The following MACROD2 variants were observed in gnomAD, a reference collection of about 807,000 sequenced individuals.
MACROD2 encodes mono-ADP ribosylhydrolase 2, also known as ADP-ribose glycohydrolase MACROD2.
A neutral mutation model predicts 70.4 loss-of-function variants in MACROD2; 36 were observed. That is an observed-to-expected ratio of 0.51 (90% CI 0.39 to 0.68). MACROD2 has a LOEUF of 0.68. Among genes scored for constraint, MACROD2 ranks in the 30% least tolerant of loss-of-function variants. The pLI is 0.00. For missense variants in MACROD2, 496 were observed against 538.4 expected, an observed-to-expected ratio of 0.92 and a Z score of 0.78; for synonymous variants, 172 against 178.8, an observed-to-expected ratio of 0.96 and a Z score of 0.30.
chr20:15,484,977 G>A (rs530401012), intron 7 of MACROD2, among the ~76,000 whole-genome samples: 7 of 152,252 alleles, frequency 4.6e-5, no homozygotes, highest in East Asian at 1.9e-4. Flanking sequence ...TCACTTCTTC[G>A]AAGGATCTAA....
At chr20:14,110,186 T>G (rs899422946) in intron 3 of MACROD2, among the ~76,000 whole-genome samples, 2 of 151,744 alleles carry the variant, frequency 1.3e-5, no homozygotes, top group South Asian at 2.1e-4. Flanking sequence ...TTCCTTCACG[T>G]TTGTAAAAGA....
At chr20:14,914,158 C>A (rs1349682694) in intron 5 of MACROD2, among the ~76,000 whole-genome samples, 1 of 152,114 alleles carries the variant, frequency 6.6e-6, no homozygotes, top group Non-Finnish European at 1.5e-5. Context: ...TTTTTTGGTT[C>A]CCTAACTCAG....
rs77327780 is a variant in MACROD2 at position 15,848,413 on chromosome 20, G to A, written c.646-14332G>A. On this transcript the variant is annotated intron_variant, in intron 8 of 17. Coordinates refer to ENST00000684519, the MANE Select transcript of MACROD2 (RefSeq NM_001351661.2). Reference sequence around the variant, plus strand: ...GGATTAGTAACGATTAGGAAGAAAAGCATTGTCTTTATATACAGCCAAGCA... The same window carrying A: ...GGATTAGTAACGATTAGGAAGAAAAACATTGTCTTTATATACAGCCAAGCA... Among the ~76,000 whole-genome samples the A allele has an allele frequency of 9.2e-5, 14 of 152,148 alleles. No individual in the cohort carries two copies. The East Asian group carries it at 2.3e-3, about 25-fold the overall frequency.
intron 12 of MACROD2, among the ~76,000 whole-genome samples, chr20:15,962,025 A>G (rs1467605874): frequency 6.6e-6 from 1 of 152,194 alleles, no homozygotes; most frequent in African/African-American, 2.4e-5. Context: ...GTAATTAAGC[A>G]TTTCTTTTTC....
At chr20:15,743,224 G>A (rs140686723) in intron 8 of MACROD2, among the ~76,000 whole-genome samples, 2 of 152,182 alleles carry the variant, frequency 1.3e-5, no homozygotes, top group East Asian at 3.9e-4. Context: ...GCAAAGAATA[G>A]AATCCCCACG....
intron 5 of MACROD2, among the ~76,000 whole-genome samples, chr20:15,125,472 A>C (rs1316280873): frequency 6.6e-6 from 1 of 152,126 alleles, no homozygotes; most frequent in African/African-American, 2.4e-5. Flanking sequence ...TTATTCATTC[A>C]TTCAACCAAC....
At chr20:15,488,108 C>G (rs554342365) in intron 7 of MACROD2, among the ~76,000 whole-genome samples, 1 of 152,178 alleles carries the variant, frequency 6.6e-6, no homozygotes, top group African/African-American at 2.4e-5. Flanking sequence ...GGACACAGGC[C>G]TTTGTCAAAA....
At chr20:14,110,591 A>C (rs2054436210) in intron 3 of MACROD2, among the ~76,000 whole-genome samples, 1 of 151,994 alleles carries the variant, frequency 6.6e-6, no homozygotes, top group South Asian at 2.1e-4. Context: ...CCAACAGTGA[A>C]CAATCTGAAA....
At chr20:15,526,823 TG>T (rs953369984) in intron 8 of MACROD2, among the ~76,000 whole-genome samples, 1 of 152,156 alleles carries the variant, frequency 6.6e-6, no homozygotes, top group African/African-American at 2.4e-5. Context: ...TTCCTAAAAG[TG>T]ACCTTCCTAG....
chr20:15,770,084 ATTTTCTTTTTTTTTTT>A (rs1334819144), intron 8 of MACROD2, among the ~76,000 whole-genome samples: 6 of 125,732 alleles, frequency 4.8e-5, no homozygotes, highest in Admixed American at 8.0e-5. Flanking sequence ...ATTTATTTTA[ATTTTCTTTTTTTTTTT>A]TTTTTTTTTT....
chr20:15,494,776 T>C (rs76346130), intron 7 of MACROD2, among the ~76,000 whole-genome samples: 8,739 of 131,858 alleles, frequency 0.066, 808 homozygotes, highest in African/African-American at 0.21. Flanking sequence ...CGTGTGTGTG[T>C]GCGCGCGTGT....
rs1555938552 is a variant in MACROD2 at position 14,222,813 on chromosome 20, G to GGAAAAAAA, written c.271+137085_271+137086insGAAAAAAA. ...TTCACAGTTCAACCTTTGGATTTCT[G>GGAAAAAAA]AAAAAAAAAAAAAAAAAAAAAAAAA... On this transcript the variant is annotated intron_variant, in intron 3 of 17. Transcript: ENST00000684519. Among the ~76,000 whole-genome samples, 4 of 132,948 alleles carry GGAAAAAAA rather than the reference G, an allele frequency of 3.0e-5. 1 individual carries two copies. The highest frequency in any genetic ancestry group is 8.6e-5 in the African/African-American group (3 of 34,778). The allele number at this position is 132,948 out of a possible 152,430, so 87.2% of individuals were successfully genotyped here.
chr20:14,892,367 C>G (rs964821552), intron 5 of MACROD2, among the ~76,000 whole-genome samples: 2 of 151,952 alleles, frequency 1.3e-5, no homozygotes, highest in Admixed American at 1.3e-4. Context: ...CCCAGCTACT[C>G]AGGAGGCTGA....
intron 5 of MACROD2, among the ~76,000 whole-genome samples, chr20:15,005,397 G>C (rs2075027876): frequency 6.6e-6 from 1 of 152,108 alleles, no homozygotes; most frequent in Admixed American, 6.6e-5. Context: ...TGTTCAAGTG[G>C]GAGTTCATAA....
chr20:15,514,986 A>T (rs988417007), intron 8 of MACROD2, among the ~76,000 whole-genome samples: 2 of 152,292 alleles, frequency 1.3e-5, no homozygotes, highest in Admixed American at 6.5e-5. Flanking sequence ...GCATTATCCC[A>T]TGTCACCCTC....
intron 3 of MACROD2, among the ~76,000 whole-genome samples, chr20:14,408,658 C>T (rs1334001569): frequency 1.3e-5 from 2 of 152,128 alleles, no homozygotes; most frequent in Admixed American, 6.6e-5. Flanking sequence ...AAGTGGGTAG[C>T]GCCCACTAAG....
intron 4 of MACROD2, among the ~76,000 whole-genome samples, chr20:14,515,464 C>T (rs970047243): frequency 7.3e-5 from 2 of 27,238 alleles, no homozygotes; most frequent in Non-Finnish European, 1.5e-4. Context: ...TACACACACA[C>T]GCACACACAC....
At chr20:15,683,391 CAAGATGGTAATTCCCATTT>C (rs1484519651) in intron 8 of MACROD2, among the ~76,000 whole-genome samples, 1 of 152,126 alleles carries the variant, frequency 6.6e-6, no homozygotes, top group African/African-American at 2.4e-5. Context: ...CAGAAATAAC[CAAGATGGTAATTCCCATTT>C]AATATCTTTC....
chr20:15,314,024 A>C (rs896146396), intron 6 of MACROD2, among the ~76,000 whole-genome samples: 1 of 152,200 alleles, frequency 6.6e-6, no homozygotes, highest in African/African-American at 2.4e-5. Context: ...TCTTCATGGA[A>C]ATAATGAATA....
Sources: gnomAD v4.1 joint callset for allele counts (sites outside exome capture counted in the v4.1 genomes callset) on GRCh38, gnomAD v4.1.1 for gene constraint, MANE v1.5 for transcripts, NCBI Gene and HGNC (gene_info 2026-07-23, HGNC 2026-07-21) for gene names.